Variants in ACOXL observed in about 807,000 individuals in gnomAD.
ACOXL encodes the protein acyl-coenzyme A oxidase-like protein.
In ACOXL, 70 loss-of-function variants were observed where a neutral mutation model predicts 71.9. The observed-to-expected ratio is 0.97, with a 90% confidence interval of 0.80 to 1.19. The LOEUF (loss-of-function observed/expected upper bound fraction) is 1.19, where lower values mean the gene tolerates loss of function less well. Ranked by LOEUF, ACOXL falls within the 50% of genes most tolerant of loss-of-function variation. The pLI is 0.00. For missense variants in ACOXL, 703 were observed against 736.3 expected (o/e 0.95, Z 0.52); for synonymous variants, 253 against 281.6 (o/e 0.90, Z 1.02).
chr2:110,958,721 G>A (rs529869944), intron 12 of ACOXL, among the ~76,000 whole-genome samples: 5 of 152,340 alleles, frequency 3.3e-5, no homozygotes, highest in African/African-American at 9.6e-5. Context: ...AGCATGAAAT[G>A]CAGGTGTGGC....
chr2:110,811,589 G>T (rs1401568069), intron 9 of ACOXL, among the ~76,000 whole-genome samples: 1 of 152,172 alleles, frequency 6.6e-6, no homozygotes, highest in Non-Finnish European at 1.5e-5. Context: ...GATGGAACAT[G>T]GTGTTGGGGA....
Position 111,056,605 on chromosome 2 carries a change from G to A in ACOXL, c.1440+7317G>A, listed in dbSNP as rs146796437. 1.9e-3 allele frequency among the ~76,000 whole-genome samples: 292 copies of A among 151,952 alleles called. 2 individuals are homozygous for A. Among genetic ancestry groups the A allele is most frequent in the African/African-American group, 6.9e-3 (285 of 41,416 alleles). ...AGATAGAGACCATCCTGGCTAACAC[G>A]GTGAAACCCCATCTCTACTAAAAAT... is the stretch of plus-strand genomic sequence containing the variant. On this transcript the variant is annotated intron_variant, in intron 16 of 17. Coordinates refer to ENST00000439055, the MANE Select transcript of ACOXL (RefSeq NM_001142807.4).
chr2:110,974,683 G>A lies in ACOXL; in HGVS notation c.1060-12425G>A, dbSNP rs1453689682. 3.3e-5 allele frequency among the ~76,000 whole-genome samples: 5 copies of A among 152,166 alleles called. No individual in the cohort carries two copies. In the South Asian group the frequency reaches 1.0e-3, roughly 31 times the overall value. On this transcript the variant is annotated intron_variant, in intron 12 of 17. Transcript: ENST00000439055. ...TTAACTTGCTTAAAGACCAGGAAGG[G>A]GTGTCCTCTTCCTGACTGATCTGGC... is the stretch of plus-strand genomic sequence containing the variant.
At chr2:111,055,426 A>G (rs1480869033) in intron 16 of ACOXL, among the ~76,000 whole-genome samples, 1 of 152,226 alleles carries the variant, frequency 6.6e-6, no homozygotes, top group Non-Finnish European at 1.5e-5. Flanking sequence ...CTAGCAGCCA[A>G]TAATTAACTA....
intron 10 of ACOXL, among the ~76,000 whole-genome samples, chr2:110,860,655 G>C (rs1693833641): frequency 6.6e-6 from 1 of 152,318 alleles, no homozygotes; most frequent in Non-Finnish European, 1.5e-5. Context: ...GCAGAAGATG[G>C]AGTGCCTGGG....
chr2:110,873,082 G>C (rs1264661056), intron 10 of ACOXL, among the ~76,000 whole-genome samples: 1 of 152,150 alleles, frequency 6.6e-6, no homozygotes, highest in African/African-American at 2.4e-5. Flanking sequence ...AAATGTGCTG[G>C]GTTCCTCCGT....
At chr2:110,955,245 C>A (rs1414458315) in intron 12 of ACOXL, among the ~76,000 whole-genome samples, 1 of 151,864 alleles carries the variant, frequency 6.6e-6, no homozygotes, top group East Asian at 1.9e-4. Flanking sequence ...ATATCTGCTG[C>A]CTCTGCAGTT....
chr2:110,840,146 G>T (rs1016047828), intron 9 of ACOXL, among the ~76,000 whole-genome samples: 1 of 151,978 alleles, frequency 6.6e-6, no homozygotes, highest in Non-Finnish European at 1.5e-5. Context: ...GCCCGCCACC[G>T]CACCTGGCTA....
intron 12 of ACOXL, among the ~76,000 whole-genome samples, chr2:110,977,358 T>G (rs2062496031): frequency 6.6e-6 from 1 of 150,534 alleles, no homozygotes; most frequent in Non-Finnish European, 1.5e-5. Context: ...CACCCCAGCC[T>G]GGGTGACAGA....
intron 9 of ACOXL, among the ~76,000 whole-genome samples, chr2:110,835,364 CTTG>C (rs1166065336): frequency 6.6e-6 from 1 of 152,030 alleles, no homozygotes; most frequent in African/African-American, 2.4e-5. Flanking sequence ...TCTTCCCTGT[CTTG>C]TTGTATTTTT....
intron 16 of ACOXL, among the ~76,000 whole-genome samples, chr2:111,064,322 G>A (rs939454130): frequency 2.6e-5 from 4 of 151,808 alleles, no homozygotes; most frequent in African/African-American, 9.7e-5. Flanking sequence ...TGTAGTCCCG[G>A]CTACTCGGGA....
chr2:110,976,294 T>G (rs1387110682), intron 12 of ACOXL, among the ~76,000 whole-genome samples: 2 of 152,328 alleles, frequency 1.3e-5, no homozygotes, highest in East Asian at 3.9e-4. Flanking sequence ...CTTCAGACTC[T>G]GGGGTGGGGG....
In ACOXL at chr2:111,093,885, A is replaced by G. The variant is rs1262718325; in HGVS notation, c.1542+919A>G. 20 of 186,784 alleles carry G rather than the reference A, an allele frequency of 1.1e-4. No individual in the cohort carries two copies. In the East Asian group the frequency reaches 2.6e-3, roughly 25 times the overall value. The allele number at this position is 186,784 out of a possible 1,614,324, so 11.6% of individuals were successfully genotyped here. A position where few individuals can be genotyped will look rare whatever the true frequency, so the allele number is the denominator to read the frequency against. On this transcript the variant is annotated intron_variant, in intron 17 of 17. Coordinates refer to ENST00000439055, the MANE Select transcript of ACOXL (RefSeq NM_001142807.4). ...TCTCAAAACAAAACAAAACAACAAC[A>G]GCAAAAAACAACAAAACAAAACACA...
intron 17 of ACOXL, among the ~76,000 whole-genome samples, chr2:111,102,488 G>A (rs895419575): frequency 4.6e-5 from 7 of 152,198 alleles, no homozygotes; most frequent in African/African-American, 1.7e-4. Flanking sequence ...AGTTTCTCTG[G>A]CAGCTGCATT....
intron 10 of ACOXL, among the ~76,000 whole-genome samples, chr2:110,847,243 C>T (rs1222102537): frequency 1.3e-5 from 2 of 152,110 alleles, no homozygotes; most frequent in Non-Finnish European, 2.9e-5. Context: ...TCCTGCCTGA[C>T]GCAGTGCAGC....
intron 10 of ACOXL, among the ~76,000 whole-genome samples, chr2:110,842,269 G>A (rs1691268747): frequency 6.6e-6 from 1 of 152,188 alleles, no homozygotes; most frequent in Non-Finnish European, 1.5e-5. Context: ...GAAGAGGGCA[G>A]GAGAGGACTC....
chr2:110,743,296 A>G (rs1677772538), intron 1 of ACOXL, among the ~76,000 whole-genome samples: 1 of 152,200 alleles, frequency 6.6e-6, no homozygotes, highest in African/African-American at 2.4e-5. Context: ...TATATCAGGC[A>G]GATAATTTCC....
intron 17 of ACOXL, among the ~76,000 whole-genome samples, chr2:111,104,175 G>A (rs1379153907): frequency 1.3e-5 from 2 of 151,950 alleles, no homozygotes; most frequent in South Asian, 2.1e-4. Context: ...CCTTTTTATC[G>A]CTAAGTAGTA....
intron 10 of ACOXL, among the ~76,000 whole-genome samples, chr2:110,860,502 A>G (rs192841742): frequency 6.6e-6 from 1 of 152,328 alleles, no homozygotes; most frequent in East Asian, 1.9e-4. Flanking sequence ...GTGTCTGTGC[A>G]TCACCTTGGT....
Sources: gnomAD v4.1 joint callset for allele counts (sites outside exome capture counted in the v4.1 genomes callset) on GRCh38, gnomAD v4.1.1 for gene constraint, MANE v1.5 for transcripts, NCBI Gene and HGNC (gene_info 2026-07-23, HGNC 2026-07-21) for gene names.